Variants in NPSR1 observed in about 807,000 individuals in gnomAD.
NPSR1 encodes the protein neuropeptide S receptor.
NPSR1 carries 48 observed loss-of-function variants against 46.9 expected under a neutral mutation model. That is an observed-to-expected ratio of 1.02 (90% CI 0.81 to 1.30). NPSR1 has a LOEUF of 1.30. NPSR1 is among the 50% of genes most tolerant of loss of function. NPSR1 has a pLI of 0.00. For missense variants in NPSR1, 450 were observed against 449.5 expected, an observed-to-expected ratio of 1.00 and a Z score of -0.01; for synonymous variants, 176 against 168.1, an observed-to-expected ratio of 1.05 and a Z score of -0.36.
intron 2 of NPSR1, among the ~76,000 whole-genome samples, chr7:34,712,315 A>G (rs1162355270): frequency 6.6e-6 from 1 of 151,764 alleles, no homozygotes; most frequent in Non-Finnish European, 1.5e-5. Flanking sequence ...TGCCTTCTCC[A>G]CTCTACTTTT....
At position 34,705,339 on chromosome 7, in the gene NPSR1, A is replaced by G. The variant is rs975703492; in HGVS notation, c.280+20655A>G. Among the ~76,000 whole-genome samples, 3 of 151,440 alleles carry G rather than the reference A, an allele frequency of 2.0e-5. No homozygotes were observed. The South Asian group carries it at 6.3e-4, about 32-fold the overall frequency. On this transcript the variant is annotated intron_variant, in intron 2 of 8. Coordinates refer to ENST00000360581, the MANE Select transcript of NPSR1 (RefSeq NM_207172.2). The stretch of plus-strand genomic sequence containing the variant: ...CTACTCAGGAGGCTGAGGTGGGAGG[A>G]TCGCTTGAATCCAGGAGGTGGAGGT...
intron 7 of NPSR1, among the ~76,000 whole-genome samples, chr7:34,847,936 G>A (rs951852483): frequency 1.3e-5 from 2 of 152,194 alleles, no homozygotes; most frequent in Non-Finnish European, 2.9e-5. Context: ...AATGGATTTA[G>A]AGAAGGGCAT....
chr7:34,718,716 TTG>T (rs1315256900), intron 2 of NPSR1: 1 of 151,920 alleles, frequency 6.6e-6, no homozygotes, highest in East Asian at 1.9e-4. Context: ...GCCTCTGTGT[TTG>T]TGAGTCTGGA....
At chr7:34,772,875 C>T (rs1376253466) in intron 2 of NPSR1, among the ~76,000 whole-genome samples, 2 of 152,146 alleles carry the variant, frequency 1.3e-5, no homozygotes, top group Non-Finnish European at 2.9e-5. Context: ...CTGCTAGTCA[C>T]TACCAATCAC....
In NPSR1 at chr7:34,665,991, A is replaced by C. The variant is rs549927745; in HGVS notation, c.147+7432A>C. Among the ~76,000 whole-genome samples the C allele has an allele frequency of 7.9e-5, 12 of 152,374 alleles. No homozygotes were observed. In the South Asian group the frequency reaches 2.5e-3, roughly 32 times the overall value. On this transcript the variant is annotated intron_variant, in intron 1 of 8. Coordinates refer to ENST00000360581, the MANE Select transcript of NPSR1 (RefSeq NM_207172.2). ...GGTCAGTAAATATTTTGTTGAGTGA[A>C]AGAGTATATCAAGAAATAATCTGTA...
intron 1 of NPSR1, among the ~76,000 whole-genome samples, chr7:34,669,182 T>C (rs999457040): frequency 6.6e-6 from 1 of 152,316 alleles, no homozygotes; most frequent in East Asian, 1.9e-4. Context: ...CAGGGGAATA[T>C]GAAATAAAGA....
chr7:34,740,426 C>T (rs76549273), intron 2 of NPSR1, among the ~76,000 whole-genome samples: 11,659 of 151,086 alleles, frequency 0.077, 1,307 homozygotes, highest in African/African-American at 0.25. Context: ...CAGGAGACTT[C>T]TAGTTTGGTA....
chr7:34,745,298 G>A (rs1053845961), intron 2 of NPSR1, among the ~76,000 whole-genome samples: 1 of 151,806 alleles, frequency 6.6e-6, no homozygotes, highest in African/African-American at 2.4e-5. Flanking sequence ...TCTTTCTATT[G>A]CTTTTTGAGT....
intron 2 of NPSR1, among the ~76,000 whole-genome samples, chr7:34,775,680 C>G (rs1008120207): frequency 6.6e-6 from 1 of 152,142 alleles, no homozygotes; most frequent in East Asian, 1.9e-4. Flanking sequence ...AAAAATCCAA[C>G]TTTTTGTTTC....
chr7:34,803,118 G>A (rs1033545779), intron 3 of NPSR1, among the ~76,000 whole-genome samples: 26 of 151,016 alleles, frequency 1.7e-4, no homozygotes, highest in Non-Finnish European at 3.4e-4. Flanking sequence ...CACTGTTGGT[G>A]GGACTGTAAA....
At chr7:34,707,283 T>C (rs1794159784) in intron 2 of NPSR1, among the ~76,000 whole-genome samples, 1 of 152,172 alleles carries the variant, frequency 6.6e-6, no homozygotes, top group Admixed American at 6.5e-5. Context: ...ACTGCAAAAG[T>C]TGAGGGGGAT....
At chr7:34,867,501 GC>G in intron 8 of NPSR1, among the ~76,000 whole-genome samples, 1 of 152,042 alleles carries the variant, frequency 6.6e-6, no homozygotes, top group South Asian at 2.1e-4. Flanking sequence ...CCCAAGGAAG[GC>G]AGGCCTGGGG....
chr7:34,874,149 A>G (rs117854254), intron 8 of NPSR1, among the ~76,000 whole-genome samples: 3,774 of 152,046 alleles, frequency 0.025, 65 homozygotes, highest in Non-Finnish European at 0.038. Flanking sequence ...TCTTGGAACT[A>G]GAGGACGGTC....
chr7:34,780,732 A>G (rs761206950), intron 3 of NPSR1, among the ~76,000 whole-genome samples: 1 of 152,164 alleles, frequency 6.6e-6, no homozygotes, highest in Non-Finnish European at 1.5e-5. Context: ...CACTGTAGAA[A>G]GCAAAACAGG....
chr7:34,789,120 A>G (rs1320328423), intron 3 of NPSR1, among the ~76,000 whole-genome samples: 1 of 152,034 alleles, frequency 6.6e-6, no homozygotes, highest in Non-Finnish European at 1.5e-5. Context: ...AAAACACATC[A>G]TAACAAAGCT....
chr7:34,699,149 G>T (rs980845053), intron 2 of NPSR1, among the ~76,000 whole-genome samples: 1 of 152,090 alleles, frequency 6.6e-6, no homozygotes, highest in Non-Finnish European at 1.5e-5. Context: ...GAGGCTGCTG[G>T]CTCAAGCTTA....
At chr7:34,671,898 CT>C (rs112819141) in intron 1 of NPSR1, among the ~76,000 whole-genome samples, 43,327 of 152,018 alleles carry the variant, frequency 0.29, 7,724 homozygotes, top group African/African-American at 0.51. Flanking sequence ...AAAGTGGGCC[CT>C]CCAGGGGAAA....
rs1478581632 is a variant in NPSR1, at chr7:34,728,940, C to T, written c.280+44256C>T. 2.0e-5 allele frequency: 3 copies of T among 152,584 alleles called. No individual in the cohort carries two copies. In the East Asian group the frequency reaches 5.8e-4, roughly 29 times the overall value. The allele number at this position is 152,584 out of a possible 1,614,324, so 9.5% of individuals were successfully genotyped here. ...ATTAAATAATAGAGAGAAATTTACT[C>T]CTCCAGCTCCCAAGAGAAGAATGAA... On this transcript the variant is annotated intron_variant, in intron 2 of 8. Coordinates refer to ENST00000360581, the MANE Select transcript of NPSR1 (RefSeq NM_207172.2).
intron 1 of NPSR1, among the ~76,000 whole-genome samples, chr7:34,664,042 A>G (rs1221684851): frequency 6.6e-6 from 1 of 152,216 alleles, no homozygotes; most frequent in Non-Finnish European, 1.5e-5. Context: ...ATGAAGTAAG[A>G]ATGTTTCAAG....
Sources: gnomAD v4.1 joint callset for allele counts (sites outside exome capture counted in the v4.1 genomes callset) on GRCh38, gnomAD v4.1.1 for gene constraint, MANE v1.5 for transcripts, NCBI Gene and HGNC (gene_info 2026-07-23, HGNC 2026-07-21) for gene names.